NFATC1: variants seen among roughly 807,000 people sequenced by gnomAD.
NFATC1 encodes the protein nuclear factor of activated T-cells, cytoplasmic 1.
Under a neutral mutation model 76.0 loss-of-function variants are expected in NFATC1, and 22 were observed. The ratio of observed to expected loss-of-function variants is 0.29; its 90% CI spans 0.21 to 0.41. The LOEUF (loss-of-function observed/expected upper bound fraction) is 0.41. Among genes scored for constraint, NFATC1 ranks in the 10% least tolerant of loss-of-function variants. The pLI is 1.00. For missense variants in NFATC1, 1,357 were observed against 1,337.7 expected, an observed-to-expected ratio of 1.01 and a Z score of -0.23; for synonymous variants, 704 against 613.1, an observed-to-expected ratio of 1.15 and a Z score of -2.19.
At chr18:79,414,682 G>C (rs970508786) in intron 2 of NFATC1, among the ~76,000 whole-genome samples, 2 of 152,174 alleles carry the variant, frequency 1.3e-5, no homozygotes, top group Admixed American at 1.3e-4. Flanking sequence ...ACTGGCACAG[G>C]AATCACAGGC....
intron 7 of NFATC1, among the ~76,000 whole-genome samples, chr18:79,463,107 C>T (rs1032927667): frequency 6.6e-6 from 1 of 152,258 alleles, no homozygotes; most frequent in Non-Finnish European, 1.5e-5. Flanking sequence ...TTCCCAGAAC[C>T]TTTTCCAAGT....
chr18:79,449,050 T>TCCCGGGGGGTCTGGCCAGC, intron 4 of NFATC1, 66 bp downstream of exon 4: 1 of 1,518,230 alleles, frequency 6.6e-7, no homozygotes, highest in Non-Finnish European at 9.0e-7. Flanking sequence ...TCCCTCCCAG[T>TCCCGGGGGGTCTGGCCAGC]CCCGGGGGGT....
chr18:79,522,001 CTG>C lies in NFATC1; in HGVS notation c.2783-5524_2783-5523del, dbSNP rs575424285. On this transcript the variant is annotated intron_variant, in intron 9 of 9. Transcript: ENST00000427363. ...AGGGGGCATCTGCTGATATGTGTGT[CTG>C]TGCATGTGTGGGGGGGCGTCTGCTG... 2.3e-4 allele frequency among the ~76,000 whole-genome samples: 18 copies of C among 79,108 alleles called. No homozygotes were observed. In the South Asian group the frequency reaches 9.2e-3, roughly 40 times the overall value. 51.9% of individuals were successfully genotyped at this position (79,108 alleles called of 152,430 possible). A position where few individuals can be genotyped will look rare whatever the true frequency, so the allele number is the denominator to read the frequency against.
intron 1 of NFATC1, among the ~76,000 whole-genome samples, chr18:79,398,444 C>G (rs2085075606): frequency 6.6e-6 from 1 of 152,264 alleles, no homozygotes; most frequent in Admixed American, 6.5e-5. Context: ...CTAAACATTT[C>G]CATGGAGACA....
intron 6 of NFATC1, among the ~76,000 whole-genome samples, chr18:79,456,926 C>G (rs2087764019): frequency 1.3e-5 from 2 of 152,330 alleles, no homozygotes; most frequent in African/African-American, 4.8e-5. Context: ...TCAGCTGTCA[C>G]CTCCTGAAGA....
At chr18:79,514,061 C>CG (rs2090323400) in intron 9 of NFATC1, among the ~76,000 whole-genome samples, 1 of 152,136 alleles carries the variant, frequency 6.6e-6, no homozygotes, top group South Asian at 2.1e-4. Context: ...TTCCTCCAGG[C>CG]GCTGCCCAGG....
At chr18:79,520,928 TGGGA>T (rs2145214837) in intron 9 of NFATC1, among the ~76,000 whole-genome samples, 1 of 83,978 alleles carries the variant, frequency 1.2e-5, no homozygotes, top group Non-Finnish European at 2.2e-5. Flanking sequence ...GGTGTGTGTG[TGGGA>T]GGGAGCATCC....
intron 2 of NFATC1, among the ~76,000 whole-genome samples, chr18:79,431,310 T>G (rs1315784227): frequency 1.3e-5 from 2 of 152,274 alleles, no homozygotes; most frequent in South Asian, 4.1e-4. Context: ...TCAAGCTGCC[T>G]CCTGGGCTTT....
At chr18:79,481,756 G>A (rs979730116) in intron 8 of NFATC1, among the ~76,000 whole-genome samples, 29 of 150,710 alleles carry the variant, frequency 1.9e-4, no homozygotes, top group African/African-American at 5.7e-4. Context: ...TGAATGTGAC[G>A]TCTGGGGTGT....
intron 9 of NFATC1, among the ~76,000 whole-genome samples, chr18:79,489,774 C>T (rs1362664700): frequency 1.3e-5 from 2 of 152,236 alleles, no homozygotes; most frequent in African/African-American, 4.8e-5. Context: ...GAGCACAGAC[C>T]CCGAGCGCCA....
chr18:79,490,499 G>A (rs2089647257), intron 9 of NFATC1, among the ~76,000 whole-genome samples: 1 of 152,154 alleles, frequency 6.6e-6, no homozygotes, highest in African/African-American at 2.4e-5. Context: ...GCCTGACATT[G>A]CCGCCACCCT....
intron 3 of NFATC1, among the ~76,000 whole-genome samples, chr18:79,446,840 C>T (rs1170033898): frequency 1.3e-5 from 2 of 152,212 alleles, no homozygotes; most frequent in African/African-American, 4.8e-5. Flanking sequence ...GGGCTGTGTC[C>T]TCATCCCTGT....
rs2088411529 is a variant in NFATC1 at position 79,465,174 on chromosome 18, TC to T, written c.1960-2274del. Among the ~76,000 whole-genome samples, 1 of 152,158 alleles carries T rather than the reference TC, an allele frequency of 6.6e-6. No homozygotes were observed. Among genetic ancestry groups the T allele is most frequent in the African/African-American group, 2.4e-5 (1 of 41,432 alleles). The stretch of plus-strand genomic sequence containing the variant: ...GGTACAGACGAGTTTCCCTCTCCCT[TC>T]CTGTTCTTCCGTGTTTCTTCTTTAT... On this transcript the variant is annotated intron_variant, in intron 7 of 9. Transcript: ENST00000427363. The surrounding 1 kb of genome is among the most constrained non-coding windows in gnomAD (Gnocchi z 4.2).
intron 8 of NFATC1, among the ~76,000 whole-genome samples, chr18:79,476,210 G>T (rs531550039): frequency 6.6e-6 from 1 of 152,242 alleles, no homozygotes; most frequent in Non-Finnish European, 1.5e-5. Context: ...CCAGCCGCGC[G>T]CCTGGGAGGG....
chr18:79,464,602 G>GACACACAC (rs57175022), intron 7 of NFATC1, among the ~76,000 whole-genome samples: 2,286 of 142,926 alleles, frequency 0.016, 69 homozygotes, highest in African/African-American at 0.049. Context: ...TGTTCACGCA[G>GACACACAC]ACACACACAC....
At chr18:79,487,955 G>GTTTC (rs1261935777) in intron 9 of NFATC1, among the ~76,000 whole-genome samples, 1 of 152,198 alleles carries the variant, frequency 6.6e-6, no homozygotes, top group African/African-American at 2.4e-5. Flanking sequence ...AGTGTATGAC[G>GTTTC]TTTCCCAGGC....
chr18:79,478,366 A>G lies in NFATC1; in HGVS notation c.2093-7882A>G, dbSNP rs1055083963. On this transcript the variant is annotated intron_variant, in intron 8 of 9. Coordinates refer to ENST00000427363, the MANE Select transcript of NFATC1 (RefSeq NM_001278669.2). Reference sequence around the variant, plus strand: ...GAGCCAGGCCACACCAAGGCAGCCAAGGGGACTACGTTGGGAGGAGGATGT... The same window carrying G: ...GAGCCAGGCCACACCAAGGCAGCCAGGGGGACTACGTTGGGAGGAGGATGT... Among the ~76,000 whole-genome samples the G allele has an allele frequency of 3.3e-5, 5 of 152,156 alleles. No homozygotes were observed. The South Asian group carries it at 6.2e-4, about 19-fold the overall frequency.
intron 9 of NFATC1, among the ~76,000 whole-genome samples, chr18:79,494,920 A>T (rs2089833181): frequency 6.8e-6 from 1 of 146,670 alleles, no homozygotes; most frequent in South Asian, 2.2e-4. Flanking sequence ...GGAAAGCGAG[A>T]GCGGGCACAC....
intron 9 of NFATC1, among the ~76,000 whole-genome samples, chr18:79,487,142 C>T (rs1457053243): frequency 3.9e-5 from 6 of 152,246 alleles, no homozygotes; most frequent in Non-Finnish European, 5.9e-5. Flanking sequence ...GTGAGATCTG[C>T]TCCGGTGGTC....
Sources: allele counts gnomAD v4.1 joint callset (sites outside exome capture counted in the v4.1 genomes callset), GRCh38; gene constraint gnomAD v4.1.1; non-coding constraint Gnocchi (gnomAD v3.1); transcripts MANE v1.5; gene names NCBI Gene and HGNC (gene_info 2026-07-23, HGNC 2026-07-21).